The following PIP5K1A variants were observed in gnomAD, a reference collection of about 807,000 sequenced individuals.
PIP5K1A encodes phosphatidylinositol 4-phosphate 5-kinase type-1 alpha.
Under a neutral mutation model 72.9 loss-of-function variants are expected in PIP5K1A, and 46 were observed. The ratio of observed to expected loss-of-function variants is 0.63; its 90% CI spans 0.50 to 0.81. PIP5K1A has a LOEUF of 0.81. Ranked by LOEUF, PIP5K1A falls within the 30% of genes least tolerant of loss-of-function variation. The pLI is 0.00. For missense variants in PIP5K1A, 458 were observed against 706.1 expected (o/e 0.65, Z 3.98); for synonymous variants, 228 against 255.1 (o/e 0.89, Z 1.01).
At chr1:151,245,562 G>A (rs1356663480) in intron 14 of PIP5K1A, among the ~76,000 whole-genome samples, 2 of 152,134 alleles carry the variant, frequency 1.3e-5, no homozygotes, top group Non-Finnish European at 2.9e-5. Context: ...TGCCAACAGG[G>A]TCTCCCTCTG....
chr1:151,248,155 T>C lies in PIP5K1A; in HGVS notation c.*290T>C, dbSNP rs1438905613. On this transcript the variant is annotated 3_prime_UTR_variant, in exon 16 of 16. Transcript: ENST00000368888. ...ACTGGCCAACCCTTTGCCTCCACTATTGAATTTTTTTCAGACCCCCATTCT... is the reference window on the plus strand; with the variant it reads ...ACTGGCCAACCCTTTGCCTCCACTACTGAATTTTTTTCAGACCCCCATTCT... 5 of 454,794 alleles carry C rather than the reference T, an allele frequency of 1.1e-5. No homozygotes were observed. The highest frequency in any genetic ancestry group is 8.0e-5 in the East Asian group (2 of 25,066). The allele number at this position is 454,794 out of a possible 1,614,324, so 28.2% of individuals were successfully genotyped here.
At chr1:151,225,021 C>CT (rs752946768) in intron 3 of PIP5K1A, among the ~76,000 whole-genome samples, 7 of 152,132 alleles carry the variant, frequency 4.6e-5, no homozygotes, top group Non-Finnish European at 8.8e-5. Context: ...AAGAATAGAA[C>CT]TTGAATATCA....
chr1:151,210,145 A>G (rs1382175598), intron 1 of PIP5K1A, among the ~76,000 whole-genome samples: 1 of 151,474 alleles, frequency 6.6e-6, no homozygotes, highest in Admixed American at 6.6e-5. Context: ...CCGCCTCCCA[A>G]AGTGCTGGGA....
intron 4 of PIP5K1A, among the ~76,000 whole-genome samples, chr1:151,228,197 G>T (rs1015363140): frequency 6.6e-6 from 1 of 151,970 alleles, no homozygotes; most frequent in African/African-American, 2.4e-5. Context: ...GATTGCAGTG[G>T]CATGATCATT....
chr1:151,202,255 A>G (rs1333027486), intron 1 of PIP5K1A, among the ~76,000 whole-genome samples: 1 of 152,218 alleles, frequency 6.6e-6, no homozygotes, highest in Non-Finnish European at 1.5e-5. Context: ...TTAGGATTTC[A>G]GAGTTTCACC....
At chr1:151,199,954 C>G (rs763137281) in intron 1 of PIP5K1A, among the ~76,000 whole-genome samples, 1 of 152,070 alleles carries the variant, frequency 6.6e-6, no homozygotes, top group Non-Finnish European at 1.5e-5. Flanking sequence ...TAGGGCCGCA[C>G]AGGCACACAG....
intron 15 of PIP5K1A, 92 bp downstream of exon 15, chr1:151,247,057 A>T: frequency 1.4e-6 from 1 of 725,960 alleles, no homozygotes; most frequent in Non-Finnish European, 2.3e-6. Context: ...TGTCAAGATT[A>T]GAGGATCTGG....
intron 10 of PIP5K1A, 193 bp downstream of exon 10, chr1:151,238,458 T>A: frequency 1.8e-6 from 1 of 555,204 alleles, no homozygotes; most frequent in Non-Finnish European, 3.3e-6. Context: ...TTATAACCCT[T>A]CCTCCCCCAT....
intron 1 of PIP5K1A, among the ~76,000 whole-genome samples, chr1:151,204,749 C>G (rs747101918): frequency 1.4e-4 from 21 of 152,246 alleles, no homozygotes; most frequent in Non-Finnish European, 2.2e-4. Flanking sequence ...CTTTTGTCAC[C>G]TTGGTATATT....
chr1:151,232,387 CACTGTG>C (rs1335652837), intron 6 of PIP5K1A, 22 bp downstream of exon 6: 1 of 1,535,118 alleles, frequency 6.5e-7, no homozygotes, highest in Non-Finnish European at 9.0e-7. Context: ...GATATCAGGA[CACTGTG>C]ACTCCAGTAT....
intron 1 of PIP5K1A, among the ~76,000 whole-genome samples, chr1:151,203,529 C>CAA (rs779807830): frequency 1.5e-4 from 14 of 91,578 alleles, no homozygotes; most frequent in African/African-American, 4.2e-4. Flanking sequence ...AACTCCATCT[C>CAA]AAAAAAAAAA....
rs765778985 is a variant in PIP5K1A, at chr1:151,239,255, A to ATTTTTTC, written c.1278+98_1278+104dup. On this transcript the variant is annotated intron_variant, in intron 11 of 15. Coordinates refer to ENST00000368888, the MANE Select transcript of PIP5K1A (RefSeq NM_001135638.2). ...TTCTGATTGGCCTCAGTTTCTTGCA[A>ATTTTTTC]TTTTTTCTTTTTTCTTTTTTCTTTT... 1.2e-4 allele frequency: 109 copies of ATTTTTTC among 939,696 alleles called. 1 individual carries two copies. In the Middle Eastern group the frequency reaches 1.7e-3, roughly 14 times the overall value. 58.2% of individuals were successfully genotyped at this position (939,696 alleles called of 1,614,324 possible). A position where few individuals can be genotyped will look rare whatever the true frequency, so the allele number is the denominator to read the frequency against.
chr1:151,199,378 C>CT (rs1324691061), intron 1 of PIP5K1A, among the ~76,000 whole-genome samples: 1 of 152,022 alleles, frequency 6.6e-6, no homozygotes. Context: ...TTTGGGAGGC[C>CT]TTGGCGGGCG....
chr1:151,212,930 G>A (rs1279031811), intron 1 of PIP5K1A, among the ~76,000 whole-genome samples: 3 of 125,262 alleles, frequency 2.4e-5, no homozygotes, highest in South Asian at 2.6e-4. Context: ...TCGCTCTGTC[G>A]CCCAGGCTGG....
rs78155966 is a variant in PIP5K1A, at chr1:151,216,900, GTTTTTTTTTTTTTT to G, written c.86-7328_86-7315del. ...ACCCAAGGTTACCTACTTAGTAAAT[GTTTTTTTTTTTTTT>G]TTTTTTTTTTTTTTTTGAGACGGAG... On this transcript the variant is annotated intron_variant, in intron 1 of 15. Coordinates refer to ENST00000368888, the MANE Select transcript of PIP5K1A (RefSeq NM_001135638.2). Among the ~76,000 whole-genome samples, 10 of 136,792 alleles carry G rather than the reference GTTTTTTTTTTTTTT, an allele frequency of 7.3e-5. No individual in the cohort carries two copies. The South Asian group carries it at 1.2e-3, about 17-fold the overall frequency. 89.7% of individuals were successfully genotyped at this position (136,792 alleles called of 152,430 possible). A position where few individuals can be genotyped will look rare whatever the true frequency, so the allele number is the denominator to read the frequency against.
chr1:151,235,047 C>T (rs887927800), intron 8 of PIP5K1A, among the ~76,000 whole-genome samples: 1 of 152,140 alleles, frequency 6.6e-6, no homozygotes, highest in African/African-American at 2.4e-5. Flanking sequence ...CTCATGCTGC[C>T]CCTGTCACCA....
chr1:151,246,760 T>G (rs1279370292), intron 14 of PIP5K1A, among the ~76,000 whole-genome samples, 160 bp from the exon 15 acceptor site: 1 of 152,216 alleles, frequency 6.6e-6, no homozygotes, highest in Non-Finnish European at 1.5e-5. Context: ...ATTAAAACAG[T>G]GTGCTTCTAA....
intron 4 of PIP5K1A, among the ~76,000 whole-genome samples, chr1:151,228,051 T>C (rs1329410172): frequency 6.6e-6 from 1 of 152,204 alleles, no homozygotes; most frequent in African/African-American, 2.4e-5. Context: ...TGTCTTTTTG[T>C]CCATTGCTGG....
chr1:151,213,215 T>C (rs1687107535), intron 1 of PIP5K1A, among the ~76,000 whole-genome samples: 1 of 152,128 alleles, frequency 6.6e-6, no homozygotes, highest in Non-Finnish European at 1.5e-5. Context: ...ATAAAATTTG[T>C]ATTTTTTTGG....
Sources: allele counts gnomAD v4.1 joint callset (sites outside exome capture counted in the v4.1 genomes callset), GRCh38; gene constraint gnomAD v4.1.1; transcripts MANE v1.5; gene names NCBI Gene and HGNC (gene_info 2026-07-23, HGNC 2026-07-21).